The following MERTK variants were observed in gnomAD, a reference collection of about 807,000 sequenced individuals.
The protein encoded by MERTK is MER proto-oncogene, tyrosine kinase.
Under a neutral mutation model 99.3 loss-of-function variants are expected in MERTK, and 69 were observed. The ratio of observed to expected loss-of-function variants is 0.70; its 90% CI spans 0.57 to 0.85. The LOEUF (loss-of-function observed/expected upper bound fraction) is 0.85. Ranked by LOEUF, MERTK falls within the 40% of genes least tolerant of loss-of-function variation. MERTK has a pLI of 0.00. For synonymous variants in MERTK, 426 were observed against 467.6 expected (o/e 0.91, Z 1.15); for missense variants, 1,125 against 1,249.4 (o/e 0.90, Z 1.50).
At chr2:111,960,341 C>T (rs566757658) in intron 4 of MERTK, among the ~76,000 whole-genome samples, 2 of 151,852 alleles carry the variant, frequency 1.3e-5, no homozygotes, top group African/African-American at 2.4e-5. Flanking sequence ...ATTAACCGGG[C>T]GTGGTGGTGC....
At chr2:111,940,601 G>A in intron 2 of MERTK, 1 of 654,468 alleles carries the variant, frequency 1.5e-6, no homozygotes, top group East Asian at 3.3e-5. Context: ...CAATCATCAT[G>A]ACATTGAACC....
Position 111,929,812 on chromosome 2 carries a change from G to A in MERTK, c.482+272G>A, listed in dbSNP as rs111891621. Among the ~76,000 whole-genome samples, 1,291 of 151,484 alleles carry A rather than the reference G, an allele frequency of 8.5e-3. 23 individuals are homozygous for A. Among genetic ancestry groups the A allele is most frequent in the African/African-American group, 0.03 (1,224 of 41,198 alleles). ...GATGAGGTTTCACCATGATGCCCAG[G>A]CTGGTCTCAAACTCCTGACCTTGGG... On this transcript the variant is annotated intron_variant, in intron 2 of 18. Transcript: ENST00000295408.
chr2:111,981,088 C>T (rs1676363401), intron 7 of MERTK, among the ~76,000 whole-genome samples: 1 of 152,114 alleles, frequency 6.6e-6, no homozygotes, highest in African/African-American at 2.4e-5. Context: ...GTGATGTTTT[C>T]TAAGCTGAAA....
intron 15 of MERTK, among the ~76,000 whole-genome samples, chr2:112,011,457 TTTA>T (rs1573639593): frequency 6.6e-6 from 1 of 152,012 alleles, no homozygotes; most frequent in African/African-American, 2.4e-5. Context: ...CCAAAGGAAG[TTTA>T]TTAAGTTCTG....
At chr2:112,027,661 G>T (rs568608956) in intron 18 of MERTK, among the ~76,000 whole-genome samples, 3 of 152,084 alleles carry the variant, frequency 2.0e-5, no homozygotes, top group Admixed American at 1.3e-4. Context: ...GCCATGGCAT[G>T]TTCTGTAATG....
chr2:111,914,963 G>C (rs1402094246), intron 1 of MERTK, among the ~76,000 whole-genome samples: 1 of 152,166 alleles, frequency 6.6e-6, no homozygotes, highest in South Asian at 2.1e-4. Flanking sequence ...TGTGGAATTG[G>C]TGTTAATTCT....
chr2:111,991,564 A>T (rs180873572), intron 8 of MERTK, among the ~76,000 whole-genome samples: 480 of 150,212 alleles, frequency 3.2e-3, no homozygotes, highest in African/African-American at 5.1e-3. Flanking sequence ...CCAGAATATT[A>T]AAAAAAAAGG....
intron 13 of MERTK, among the ~76,000 whole-genome samples, chr2:112,005,153 C>T (rs1312279705): frequency 6.6e-6 from 1 of 151,986 alleles, no homozygotes; most frequent in Non-Finnish European, 1.5e-5. Flanking sequence ...CTGCAGCCTG[C>T]ACCTCCTGGG....
intron 1 of MERTK, among the ~76,000 whole-genome samples, chr2:111,912,326 C>T (rs1199042800): frequency 3.3e-5 from 5 of 152,242 alleles, no homozygotes; most frequent in South Asian, 2.1e-4. Context: ...TCTTAATGGG[C>T]ATTTAGGTTT....
intron 9 of MERTK, chr2:111,996,835 C>A: frequency 5.4e-6 from 1 of 184,504 alleles, no homozygotes. Flanking sequence ...AACAGAGAAA[C>A]TATATTTTCT....
intron 15 of MERTK, among the ~76,000 whole-genome samples, chr2:112,014,647 T>C (rs937265481): frequency 6.6e-6 from 1 of 151,834 alleles, no homozygotes; most frequent in Non-Finnish European, 1.5e-5. Context: ...TTTTTTTTTT[T>C]CTTTTTGAGA....
At chr2:111,962,455 C>T (rs1019343814) in intron 4 of MERTK, among the ~76,000 whole-genome samples, 3 of 151,974 alleles carry the variant, frequency 2.0e-5, no homozygotes, top group Admixed American at 6.6e-5. Context: ...TGTAGTGAGC[C>T]GGGATTGCAC....
Position 111,997,392 on chromosome 2 carries a change from G to T in MERTK, c.1520G>T (p.Gly507Val). 1.2e-6 allele frequency: 2 copies of T among 1,614,098 alleles called. No individual in the cohort carries two copies. Among genetic ancestry groups the T allele is most frequent in the Non-Finnish European group, 1.7e-6 (2 of 1,180,008 alleles). The part of the protein sequence containing the change: ...GNADPVLIIF[G>V]CFCGFILIGL... ...GCAGATCCTGTGCTCATCATCTTTGGCTGCTTTTGTGGATTTATTTTGATT... is the reference window on the plus strand; with the variant it reads ...GCAGATCCTGTGCTCATCATCTTTGTCTGCTTTTGTGGATTTATTTTGATT... Residue 507 changes from glycine to valine, a missense_variant, in exon 10 of 19, where the codon GGC becomes GTC. Transcript: ENST00000295408.
intron 7 of MERTK, among the ~76,000 whole-genome samples, chr2:111,982,372 T>G (rs1265633252): frequency 6.6e-6 from 1 of 152,072 alleles, no homozygotes; most frequent in African/African-American, 2.4e-5. Flanking sequence ...TTTCTTCTTT[T>G]CTTTCTCTTT....
At chr2:112,026,079 A>G (rs1448439863) in intron 18 of MERTK, 1 of 154,140 alleles carries the variant, frequency 6.5e-6, no homozygotes, top group Non-Finnish European at 1.5e-5. Context: ...CATCCATAAA[A>G]TTTTATAAAG....
intron 1 of MERTK, among the ~76,000 whole-genome samples, chr2:111,919,998 C>CT (rs1684424836): frequency 6.6e-6 from 1 of 152,016 alleles, no homozygotes; most frequent in South Asian, 2.1e-4. Flanking sequence ...ACTCTCCATG[C>CT]TGCTCTAAGC....
chr2:112,017,486 C>T (rs1240610104), intron 15 of MERTK, among the ~76,000 whole-genome samples: 1 of 151,946 alleles, frequency 6.6e-6, no homozygotes, highest in African/African-American at 2.4e-5. Flanking sequence ...AAAAATTACC[C>T]GGGCGTGGTG....
chr2:112,001,364 A>T, intron 11 of MERTK, 78 bp downstream of exon 11: 1 of 1,153,732 alleles, frequency 8.7e-7, no homozygotes, highest in East Asian at 2.3e-5. Context: ...ACAGATTTCT[A>T]ACAAAAGCCA....
intron 4 of MERTK, among the ~76,000 whole-genome samples, chr2:111,949,661 G>A (rs1038374045): frequency 2.0e-5 from 3 of 152,146 alleles, no homozygotes; most frequent in South Asian, 2.1e-4. Flanking sequence ...TTTCCTAAGT[G>A]TAGACACCCA....
Sources: allele counts gnomAD v4.1 joint callset (sites outside exome capture counted in the v4.1 genomes callset), GRCh38; gene constraint gnomAD v4.1.1; transcripts MANE v1.5; gene names NCBI Gene and HGNC (gene_info 2026-07-23, HGNC 2026-07-21).